VMP1: variants seen among roughly 807,000 people sequenced by gnomAD.
The protein encoded by VMP1 is ectopic P-granules autophagy protein 3 homolog.
A neutral mutation model predicts 56.0 loss-of-function variants in VMP1; 11 were observed. That is an observed-to-expected ratio of 0.20 (90% CI 0.12 to 0.32). The LOEUF (loss-of-function observed/expected upper bound fraction) is 0.32, where lower values mean the gene tolerates loss of function less well. Among genes scored for constraint, VMP1 ranks in the 10% least tolerant of loss-of-function variants. The pLI, the probability that VMP1 is intolerant of heterozygous loss-of-function variation, is 1.00. For synonymous variants in VMP1, 149 were observed against 165.0 expected (o/e 0.90, Z 0.74); for missense variants, 296 against 490.3 (o/e 0.60, Z 3.74).
intron 11 of VMP1, 31 bp downstream of exon 11, chr17:59,838,428 C>G: frequency 6.2e-7 from 1 of 1,608,764 alleles, no homozygotes; most frequent in South Asian, 1.1e-5. Context: ...CTTCTCCCCT[C>G]TGGGAAGTTT....
rs539687556 is a variant in VMP1, at chr17:59,727,558, A to T, written c.-26-3863A>T. Among the ~76,000 whole-genome samples, 16 of 152,228 alleles carry T rather than the reference A, an allele frequency of 1.1e-4. No individual in the cohort carries two copies. The South Asian group carries it at 2.9e-3, about 28-fold the overall frequency. ...CATTTGGCTTCTTTACCAGACTGTG[A>T]TCCTCTTGAGGACAGGGACCTCCTT... On this transcript the variant is annotated intron_variant, in intron 1 of 11. Transcript: ENST00000262291.
rs2034511591 is a variant in VMP1 at position 59,724,282 on chromosome 17, G to A, written c.-26-7139G>A. Among the ~76,000 whole-genome samples the A allele has an allele frequency of 2.0e-5, 3 of 151,644 alleles. No individual in the cohort carries two copies. The South Asian group carries it at 6.2e-4, about 32-fold the overall frequency. On this transcript the variant is annotated intron_variant, in intron 1 of 11. Transcript: ENST00000262291. Reference sequence around the variant, plus strand: ...ATGTCTGAAAATAAGAAAGGAAAAAGGAGGGTAAAACGTTTTGGGAGCAAA... The same window carrying A: ...ATGTCTGAAAATAAGAAAGGAAAAAAGAGGGTAAAACGTTTTGGGAGCAAA...
At chr17:59,735,964 T>C (rs959682322) in intron 3 of VMP1, among the ~76,000 whole-genome samples, 2 of 152,222 alleles carry the variant, frequency 1.3e-5, no homozygotes, top group Non-Finnish European at 2.9e-5. Context: ...AACTTTTACA[T>C]GCCTTATCTT....
rs533116216 is a variant in VMP1, at chr17:59,726,529, G to T, written c.-26-4892G>T. 3.3e-5 allele frequency among the ~76,000 whole-genome samples: 5 copies of T among 151,988 alleles called. No homozygotes were observed. In the South Asian group the frequency reaches 1.0e-3, roughly 32 times the overall value. On this transcript the variant is annotated intron_variant, in intron 1 of 11. Transcript: ENST00000262291. ...GGCTGGTCTCGAACTCCTGACCTCG[G>T]GTGATCTGCCCGCCTCAGCCTCCCA...
At chr17:59,771,040 A>G (rs572494081) in intron 6 of VMP1, among the ~76,000 whole-genome samples, 6 of 149,012 alleles carry the variant, frequency 4.0e-5, no homozygotes, top group Non-Finnish European at 5.9e-5. Context: ...GTGTATTTCT[A>G]TCACGAGATA....
At chr17:59,787,306 C>T (rs937085664) in intron 7 of VMP1, among the ~76,000 whole-genome samples, 23 of 152,132 alleles carry the variant, frequency 1.5e-4, no homozygotes, top group African/African-American at 5.6e-4. Context: ...CTTTTGCCAC[C>T]TCACTCGCAG....
chr17:59,727,786 G>A (rs1177844051), intron 1 of VMP1, among the ~76,000 whole-genome samples: 3 of 152,094 alleles, frequency 2.0e-5, no homozygotes, highest in Non-Finnish European at 4.4e-5. Flanking sequence ...ACATGCATGC[G>A]TATCAACAAA....
rs907046468 is a variant in VMP1, at chr17:59,731,481, G to T, written c.35G>T (p.Arg12Leu). 2 of 1,592,730 alleles carry T rather than the reference G, an allele frequency of 1.3e-6. No individual in the cohort carries two copies. Among genetic ancestry groups the T allele is most frequent in the East Asian group, 2.3e-5 (1 of 43,584 alleles). ...AATGGAAAAAATTGTGACCAGAGAC[G>T]TGTAGCAATGAACAAGGAACATCAT... ...AENGKNCDQRRVAMNKEHHNG... is the reference protein window; with the variant it reads ...AENGKNCDQRLVAMNKEHHNG... Residue 12 changes from arginine to leucine, a missense_variant, in exon 2 of 12, where the codon CGT becomes CTT. Physicochemically the swap from Arg to Leu is moderately radical, Grantham distance 102. Transcript: ENST00000262291.
intron 1 of VMP1, among the ~76,000 whole-genome samples, chr17:59,728,130 TG>T (rs1482863052): frequency 6.6e-6 from 1 of 152,236 alleles, no homozygotes; most frequent in African/African-American, 2.4e-5. Flanking sequence ...GTGATGAATG[TG>T]TGCTTTTTTT....
intron 5 of VMP1, among the ~76,000 whole-genome samples, chr17:59,745,148 T>C (rs537011448): frequency 6.4e-4 from 98 of 152,322 alleles, no homozygotes; most frequent in African/African-American, 2.3e-3. Flanking sequence ...TATTATTTGC[T>C]TTGACCAATG....
intron 7 of VMP1, among the ~76,000 whole-genome samples, chr17:59,781,525 C>T (rs1440804409): frequency 6.6e-6 from 1 of 152,080 alleles, no homozygotes; most frequent in African/African-American, 2.4e-5. Context: ...AGTGATACAT[C>T]TCATTGTAGA....
chr17:59,744,092 GT>G (rs58467769), intron 5 of VMP1, among the ~76,000 whole-genome samples: 39 of 144,142 alleles, frequency 2.7e-4, no homozygotes, highest in Admixed American at 2.8e-4. Context: ...TGAGGTTTTT[GT>G]TTTTTTTTTT....
rs1490370600 is a variant in VMP1, at chr17:59,840,457, T to G, written c.*546T>G. ...TGCATTGCACACCCTCTGGGGAAAT[T>G]GATCTTTAAATTTTGAGACAGTATA... On this transcript the variant is annotated 3_prime_UTR_variant, in exon 12 of 12. Coordinates refer to ENST00000262291, the MANE Select transcript of VMP1 (RefSeq NM_030938.5). 1 of 153,026 alleles carries G rather than the reference T, an allele frequency of 6.5e-6. No homozygotes were observed. Among genetic ancestry groups the G allele is most frequent in the African/African-American group, 2.4e-5 (1 of 41,450 alleles). The allele number at this position is 153,026 out of a possible 1,614,324, so 9.5% of individuals were successfully genotyped here.
At chr17:59,831,373 A>G (rs1044094863) in intron 10 of VMP1, among the ~76,000 whole-genome samples, 7 of 151,780 alleles carry the variant, frequency 4.6e-5, no homozygotes, top group African/African-American at 7.3e-5. Context: ...GGTTCTCACT[A>G]TGTTGCCCAG....
intron 2 of VMP1, among the ~76,000 whole-genome samples, chr17:59,733,089 G>C (rs2034893513): frequency 3.9e-5 from 6 of 152,132 alleles, no homozygotes; most frequent in Admixed American, 3.3e-4. Context: ...CTACTGGAAA[G>C]ACTGAGGTGA....
chr17:59,754,577 AAAGAAATTACCAAAAGTT>A (rs1248061872), intron 5 of VMP1, among the ~76,000 whole-genome samples: 3 of 152,190 alleles, frequency 2.0e-5, no homozygotes, highest in Non-Finnish European at 2.9e-5. Flanking sequence ...TTAAGACAAA[AAAGAAATTACCAAAAGTT>A]AAGGCTGTGG....
chr17:59,749,477 C>A (rs1359852790), intron 5 of VMP1, among the ~76,000 whole-genome samples: 3 of 138,050 alleles, frequency 2.2e-5, no homozygotes, highest in African/African-American at 1.1e-4. Context: ...AGATATAAAT[C>A]AACTTTCACC....
chr17:59,796,601 T>G (rs1374398970), intron 7 of VMP1, among the ~76,000 whole-genome samples: 1 of 152,162 alleles, frequency 6.6e-6, no homozygotes, highest in African/African-American at 2.4e-5. Flanking sequence ...TTCTAAGCAA[T>G]TATCTCTGTT....
chr17:59,751,952 C>A (rs2035668401), intron 5 of VMP1, among the ~76,000 whole-genome samples: 1 of 151,944 alleles, frequency 6.6e-6, no homozygotes, highest in Non-Finnish European at 1.5e-5. Context: ...GTAGCTGGGA[C>A]TACAGGTGTG....
Sources: gnomAD v4.1 joint callset for allele counts (sites outside exome capture counted in the v4.1 genomes callset) on GRCh38, gnomAD v4.1.1 for gene constraint, MANE v1.5 for transcripts, NCBI Gene and HGNC (gene_info 2026-07-23, HGNC 2026-07-21) for gene names.